MN1: variants seen among roughly 807,000 people sequenced by gnomAD.
The protein encoded by MN1 is MN1 proto-oncogene, transcriptional regulator.
MN1 carries 19 observed loss-of-function variants against 86.9 expected under a neutral mutation model. That is an observed-to-expected ratio of 0.22 (90% confidence interval 0.15 to 0.32). The LOEUF (loss-of-function observed/expected upper bound fraction) is 0.32, where lower values mean the gene tolerates loss of function less well. Ranked by LOEUF, MN1 falls within the 10% of genes least tolerant of loss-of-function variation. The pLI, the probability that MN1 is intolerant of heterozygous loss-of-function variation, is 1.00. For synonymous variants in MN1, 928 were observed against 849.6 expected, an observed-to-expected ratio of 1.09 and a Z score of -1.60; for missense variants, 1,841 against 1,862.0, an observed-to-expected ratio of 0.99 and a Z score of 0.21.
Position 27,798,472 on chromosome 22 carries a change from T to C in MN1, c.2072A>G (p.His691Arg), listed in dbSNP as rs1023688266. The C allele has an allele frequency of 6.4e-7, 1 of 1,564,192 alleles. No homozygotes were observed. The highest frequency in any genetic ancestry group is 1.4e-5 in the African/African-American group (1 of 72,584). Residue 691 changes from histidine to arginine, a missense_variant, in exon 1 of 2, where the codon CAC (histidine) becomes CGC (arginine). By Grantham distance (29) the His-to-Arg change is conservative (BLOSUM62 0). Transcript: ENST00000302326. Reference protein sequence around the residue: ...QEPMRMPGEGHVPALPSPGLQ... With the variant: ...QEPMRMPGEGRVPALPSPGLQ... ...GCCCGGTGAAGGCAGCGCGGGCACG[T>C]GGCCCTCTCCGGGCATCCTCATCGG...
chr22:27,755,344 A>G (rs1023899377), intron 1 of MN1, among the ~76,000 whole-genome samples: 6 of 152,182 alleles, frequency 3.9e-5, no homozygotes, highest in African/African-American at 1.4e-4. Context: ...CTGGGGCAAC[A>G]TCATCTCAAA....
chr22:27,775,101 T>A (rs1932960406), intron 1 of MN1, among the ~76,000 whole-genome samples: 1 of 152,198 alleles, frequency 6.6e-6, no homozygotes, highest in South Asian at 2.1e-4. Flanking sequence ...TTGCCATATG[T>A]CGGCTGTGCT....
Position 27,799,242 on chromosome 22 carries a change from C to A in MN1, c.1302G>T (p.Pro434=). ...EPVFSMQHPP[P]QQAPNQRLQH... ...GCAGCCGCTGGTTGGGCGCCTGCTG[C>A]GGAGGAGGATGCTGCATGCTGAAAA... is the stretch of plus-strand genomic sequence containing the variant. The change falls in exon 1 of 2, where the codon CCG becomes CCT. Residue 434 remains proline (P), a synonymous_variant. Coordinates refer to ENST00000302326, the MANE Select transcript of MN1 (RefSeq NM_002430.3). 2 of 1,590,080 alleles carry A rather than the reference C, an allele frequency of 1.3e-6. No homozygotes were observed. The highest frequency in any genetic ancestry group is 1.7e-6 in the Non-Finnish European group (2 of 1,166,106).
At chr22:27,776,100 A>C (rs1384550429) in intron 1 of MN1, among the ~76,000 whole-genome samples, 1 of 152,158 alleles carries the variant, frequency 6.6e-6, no homozygotes, top group Non-Finnish European at 1.5e-5. Flanking sequence ...AGAAGGGGAG[A>C]TGGGAGAATT....
At position 27,778,318 on chromosome 22, in the gene MN1, T is replaced by C. The variant is rs187123648; in HGVS notation, c.3781+18445A>G. On this transcript the variant is annotated intron_variant, in intron 1 of 1. Transcript: ENST00000302326. ...CACATCTAGCCGTTGAGGGAATTTC[T>C]GCCAGCTGCCGCGGCCACTTTCTCT... Among the ~76,000 whole-genome samples the C allele has an allele frequency of 1.1e-4, 16 of 152,372 alleles. No individual in the cohort carries two copies. In the East Asian group the frequency reaches 2.9e-3, roughly 28 times the overall value.
At chr22:27,768,811 A>ATAAT (rs1164969055) in intron 1 of MN1, among the ~76,000 whole-genome samples, 2 of 152,180 alleles carry the variant, frequency 1.3e-5, no homozygotes, top group Non-Finnish European at 2.9e-5. Context: ...GTCTCTAAAA[A>ATAAT]TAATTAATTA....
At chr22:27,771,421 C>T (rs1932914482) in intron 1 of MN1, among the ~76,000 whole-genome samples, 1 of 151,620 alleles carries the variant, frequency 6.6e-6, no homozygotes, top group Non-Finnish European at 1.5e-5. Flanking sequence ...GTAGGGGGGT[C>T]TCACTATGTT....
intron 1 of MN1, among the ~76,000 whole-genome samples, chr22:27,779,752 C>T (rs1334988932): frequency 6.6e-6 from 1 of 152,180 alleles, no homozygotes; most frequent in African/African-American, 2.4e-5. Context: ...AGAAAGTGAA[C>T]GCCAGGCCTG....
rs548785183 is a variant in MN1 at position 27,748,700 on chromosome 22, C to T, written c.*2215G>A. ...CTTAAGGCTATTTTTAAAGCTGTTT[C>T]ATTCTGGGGTCGTGGGGAGCGAGAA... On this transcript the variant is annotated 3_prime_UTR_variant, in exon 2 of 2. Transcript: ENST00000302326. 8 of 217,068 alleles carry T rather than the reference C, an allele frequency of 3.7e-5. No individual in the cohort carries two copies. The highest frequency in any genetic ancestry group is 1.6e-4 in the African/African-American group (7 of 44,456). The allele number at this position is 217,068 out of a possible 1,614,324, so 13.4% of individuals were successfully genotyped here. A position where few individuals can be genotyped will look rare whatever the true frequency, so the allele number is the denominator to read the frequency against.
chr22:27,796,623 G>A (rs750359750), intron 1 of MN1, 140 bp downstream of exon 1: 60 of 822,506 alleles, frequency 7.3e-5, no homozygotes, highest in Non-Finnish European at 1.1e-4. Context: ...AGCAAAGGTG[G>A]GATAACCAGC....
chr22:27,797,508 C>G lies in MN1; in HGVS notation c.3036G>C (p.Lys1012Asn), dbSNP rs762012343. ...EKALTSPSWGKGAELLLGDQP... is the reference protein window; with the variant it reads ...EKALTSPSWGNGAELLLGDQP... ...GATCCCCCAGGAGCAACTCAGCCCC[C>G]TTCCCCCAGGATGGCGACGTGAGCG... Residue 1012 changes from lysine (K) to asparagine (N), a missense_variant, in exon 1 of 2, where the codon AAG (lysine) becomes AAC (asparagine). Lys to Asn is a moderately conservative substitution (Grantham distance 94, BLOSUM62 0). Transcript: ENST00000302326. 2 of 1,606,600 alleles carry G rather than the reference C, an allele frequency of 1.2e-6. No homozygotes were observed. Among genetic ancestry groups the G allele is most frequent in the South Asian group, 2.2e-5 (2 of 90,298 alleles).
At chr22:27,776,004 C>A (rs1932973894) in intron 1 of MN1, among the ~76,000 whole-genome samples, 1 of 152,168 alleles carries the variant, frequency 6.6e-6, no homozygotes, top group Non-Finnish European at 1.5e-5. Flanking sequence ...GGAGGGGGAG[C>A]CACAAGGAAG....
intron 1 of MN1, among the ~76,000 whole-genome samples, chr22:27,756,884 T>C (rs779013507): frequency 7.9e-4 from 120 of 151,896 alleles, no homozygotes; most frequent in Non-Finnish European, 1.4e-3. Flanking sequence ...TCCTCCCAAG[T>C]AGCTGGGACT....
chr22:27,785,276 C>T (rs1933111275), intron 1 of MN1, among the ~76,000 whole-genome samples: 1 of 152,162 alleles, frequency 6.6e-6, no homozygotes. Context: ...ACAAACTGCT[C>T]GGAGTCTGGG....
At chr22:27,761,262 C>T (rs1932832749) in intron 1 of MN1, among the ~76,000 whole-genome samples, 1 of 151,534 alleles carries the variant, frequency 6.6e-6, no homozygotes, top group Non-Finnish European at 1.5e-5. Context: ...TATTCACCCT[C>T]CCTCTGTCCA....
chr22:27,789,561 G>A (rs919710384), intron 1 of MN1, among the ~76,000 whole-genome samples: 1 of 152,212 alleles, frequency 6.6e-6, no homozygotes, highest in African/African-American at 2.4e-5. Flanking sequence ...CTTTCAAGAT[G>A]AGAACACGAA....
At chr22:27,789,486 G>C (rs1341364350) in intron 1 of MN1, among the ~76,000 whole-genome samples, 2 of 152,182 alleles carry the variant, frequency 1.3e-5, no homozygotes, top group Non-Finnish European at 2.9e-5. Flanking sequence ...GGAAGCTTCT[G>C]GGCACATAGT....
chr22:27,775,650 G>C (rs1049085438), intron 1 of MN1, among the ~76,000 whole-genome samples: 2 of 152,164 alleles, frequency 1.3e-5, no homozygotes, highest in African/African-American at 4.8e-5. Flanking sequence ...ACTCTCCTAG[G>C]TGATGCTGCT....
rs1932747740 is a variant in MN1, at chr22:27,749,952, C to A, written c.*963G>T. The A allele has an allele frequency of 8.6e-6, 2 of 232,170 alleles. No individual in the cohort carries two copies. The highest frequency in any genetic ancestry group is 1.2e-4 in the East Asian group (2 of 16,416). 14.4% of individuals were successfully genotyped at this position (232,170 alleles called of 1,614,324 possible). On this transcript the variant is annotated 3_prime_UTR_variant, in exon 2 of 2. Transcript: ENST00000302326. ...GGGCTGAGAACAGCCTCCTCCAACTCCAGCACCCAAGGCACGGGCAGCAGC... is the reference window on the plus strand; with the variant it reads ...GGGCTGAGAACAGCCTCCTCCAACTACAGCACCCAAGGCACGGGCAGCAGC...
Sources: allele counts gnomAD v4.1 joint callset (sites outside exome capture counted in the v4.1 genomes callset), GRCh38; gene constraint gnomAD v4.1.1; transcripts MANE v1.5; gene names NCBI Gene and HGNC (gene_info 2026-07-23, HGNC 2026-07-21).